The following PCDHGB4 variants were observed in gnomAD, a reference collection of about 807,000 sequenced individuals.
The protein encoded by PCDHGB4 is protocadherin gamma subfamily B, 4.
A neutral mutation model predicts 60.5 loss-of-function variants in PCDHGB4; 38 were observed. The ratio of observed to expected loss-of-function variants is 0.63; its 90% CI spans 0.48 to 0.82. The LOEUF is 0.82. PCDHGB4 is among the 40% of genes least tolerant of loss of function. The pLI is 0.00. For missense variants in PCDHGB4, 1,109 were observed against 1,209.6 expected, an observed-to-expected ratio of 0.92 and a Z score of 1.23; for synonymous variants, 456 against 509.7, an observed-to-expected ratio of 0.89 and a Z score of 1.42.
chr5:141,489,151 A>G lies in PCDHGB4; in HGVS notation c.2398-5656A>G. On this transcript the variant is annotated intron_variant, in intron 1 of 3. Transcript: ENST00000519479. This position sits in a 1 kb window ranked among gnomAD's most constrained non-coding sequence, Gnocchi z 4.5. ...TTTTTAAGAGGCTGGAAGGAGACAT[A>G]AGAGACTTCAGCTGCTGCATTCCAA... is the stretch of plus-strand genomic sequence containing the variant. The G allele has an allele frequency of 4.3e-6, 4 of 932,968 alleles. No individual in the cohort carries two copies. Among genetic ancestry groups the G allele is most frequent in the Non-Finnish European group, 6.4e-6 (4 of 622,052 alleles). 57.8% of individuals were successfully genotyped at this position (932,968 alleles called of 1,614,324 possible).
intron 1 of PCDHGB4, among the ~76,000 whole-genome samples, chr5:141,435,478 C>A (rs1279447863): frequency 6.6e-6 from 1 of 152,146 alleles, no homozygotes; most frequent in Non-Finnish European, 1.5e-5. Flanking sequence ...TTAGACATTT[C>A]TTTTGCCCAT....
chr5:141,402,845 C>T (rs1273253699), intron 1 of PCDHGB4: 3 of 1,405,122 alleles, frequency 2.1e-6, no homozygotes, highest in Non-Finnish European at 2.8e-6. Flanking sequence ...AAAACTCAGC[C>T]TCTTTCTTCT....
chr5:141,482,752 T>C (rs1361016909), intron 1 of PCDHGB4, among the ~76,000 whole-genome samples: 1 of 127,096 alleles, frequency 7.9e-6, no homozygotes, highest in Non-Finnish European at 1.6e-5. Context: ...AGAGGGATTA[T>C]GGTATTTCAT....
Position 141,441,858 on chromosome 5 carries a change from C to T in PCDHGB4, c.2397+51577C>T, listed in dbSNP as rs535716058. The T allele has an allele frequency of 6.0e-5, 21 of 349,416 alleles. No homozygotes were observed. The East Asian group carries it at 7.4e-4, about 12-fold the overall frequency. The allele number at this position is 349,416 out of a possible 1,614,324, so 21.6% of individuals were successfully genotyped here. On this transcript the variant is annotated intron_variant, in intron 1 of 3. Coordinates refer to ENST00000519479, the MANE Select transcript of PCDHGB4 (RefSeq NM_003736.4). ...TCGCGCTCTTGGATATGGTGCTGCA[C>T]GCCGCGGAGCCTGGCTACCTGGTCA...
chr5:141,478,560 A>G, intron 1 of PCDHGB4: 1 of 1,598,736 alleles, frequency 6.3e-7, no homozygotes, highest in Non-Finnish European at 8.5e-7. Flanking sequence ...AGGTTTAGCA[A>G]GTCATGCTTG....
intron 1 of PCDHGB4, chr5:141,402,972 G>A (rs758148844): frequency 6.2e-7 from 1 of 1,608,316 alleles, no homozygotes; most frequent in Non-Finnish European, 8.5e-7. Context: ...CCAACCAAAT[G>A]CCAGCTCCGC....
At position 141,493,202 on chromosome 5, in the gene PCDHGB4, A is replaced by G. The variant is rs1246390819; in HGVS notation, c.2398-1605A>G. Among the ~76,000 whole-genome samples, 1 of 152,196 alleles carries G rather than the reference A, an allele frequency of 6.6e-6. No individual in the cohort carries two copies. ...ACTATATAACTCCTTTGAGAACCTC[A>G]TCTCATTTGCTCTTCCCACCATTGC... On this transcript the variant is annotated intron_variant, in intron 1 of 3. Transcript: ENST00000519479. The surrounding 1 kb of genome is among the most constrained non-coding windows in gnomAD (Gnocchi z 4.3).
chr5:141,395,813 A>G (rs1201631661), intron 1 of PCDHGB4: 2 of 152,062 alleles, frequency 1.3e-5, no homozygotes, highest in East Asian at 3.9e-4. Context: ...CAAAACATGA[A>G]CAAACTTTAA....
At chr5:141,400,261 C>G in intron 1 of PCDHGB4, 1 of 1,614,058 alleles carries the variant, frequency 6.2e-7, no homozygotes. Context: ...CTTGCGCCTG[C>G]GACGCTCCTC....
chr5:141,427,829 G>C, intron 1 of PCDHGB4: 1 of 1,538,520 alleles, frequency 6.5e-7, no homozygotes. Flanking sequence ...TGGTCGCGCA[G>C]CGTGCCTTCG....
chr5:141,477,169 G>A lies in PCDHGB4; in HGVS notation c.2398-17638G>A. 6.2e-7 allele frequency: 1 copy of A among 1,614,198 alleles called. No individual in the cohort carries two copies. The highest frequency in any genetic ancestry group is 8.5e-7 in the Non-Finnish European group (1 of 1,180,042). The stretch of plus-strand genomic sequence containing the variant: ...TGGATGTGAATGACAACGCCCCGGA[G>A]ATCACAGTCACCTCCGTGTACAGCC... On this transcript the variant is annotated intron_variant, in intron 1 of 3. Transcript: ENST00000519479. The surrounding 1 kb of genome is among the most constrained non-coding windows in gnomAD (Gnocchi z 4.9).
chr5:141,414,568 A>G (rs1349020199), intron 1 of PCDHGB4: 2 of 1,613,914 alleles, frequency 1.2e-6, no homozygotes, highest in South Asian at 1.1e-5. Context: ...CTTTACCTAT[A>G]TCCCAGAGAA....
At chr5:141,470,736 C>A (rs541510544) in intron 1 of PCDHGB4, among the ~76,000 whole-genome samples, 1 of 152,092 alleles carries the variant, frequency 6.6e-6, no homozygotes, top group Non-Finnish European at 1.5e-5. Context: ...CTTGCTCTGT[C>A]GCCCTGGCTG....
At chr5:141,409,133 G>A in intron 1 of PCDHGB4, 1 of 1,614,002 alleles carries the variant, frequency 6.2e-7, no homozygotes, top group Non-Finnish European at 8.5e-7. Flanking sequence ...TGATTTTGAA[G>A]ATGTAGAAAG....
At chr5:141,403,196 G>A (rs762413220) in intron 1 of PCDHGB4, 6 of 1,613,986 alleles carry the variant, frequency 3.7e-6, no homozygotes, top group East Asian at 4.5e-5. Flanking sequence ...CCCGCGCAGC[G>A]GCACCTTGGT....
At chr5:141,430,713 T>G in intron 1 of PCDHGB4, 1 of 1,481,944 alleles carries the variant, frequency 6.7e-7, no homozygotes, top group Non-Finnish European at 9.0e-7. Context: ...GCTCCTGACT[T>G]CAGTGGTTAA....
chr5:141,491,227 C>T lies in PCDHGB4; in HGVS notation c.2398-3580C>T. 6.2e-7 allele frequency: 1 copy of T among 1,614,216 alleles called. No homozygotes were observed. The highest frequency in any genetic ancestry group is 8.5e-7 in the Non-Finnish European group (1 of 1,180,018). On this transcript the variant is annotated intron_variant, in intron 1 of 3. Coordinates refer to ENST00000519479, the MANE Select transcript of PCDHGB4 (RefSeq NM_003736.4). The surrounding 1 kb of genome is among the most constrained non-coding windows in gnomAD (Gnocchi z 6.9). Reference sequence around the variant, plus strand: ...TTCACTCTCCTCCACAGCCACAGTGCTGCTGGTTCTGGAGGATGAGGACCC... The same window carrying T: ...TTCACTCTCCTCCACAGCCACAGTGTTGCTGGTTCTGGAGGATGAGGACCC...
chr5:141,393,453 G>T lies in PCDHGB4; in HGVS notation c.2397+3172G>T, dbSNP rs373805221. On this transcript the variant is annotated intron_variant, in intron 1 of 3. Transcript: ENST00000519479. ...GGCTGCTCACCACCTGGTCCTCACG[G>T]CCTCGGATGGCGGCAAGCCGCCTCG... 6.6e-5 allele frequency: 107 copies of T among 1,614,038 alleles called. 2 individuals carry two copies. In the South Asian group the frequency reaches 1.0e-3, roughly 15 times the overall value.
intron 1 of PCDHGB4, among the ~76,000 whole-genome samples, chr5:141,488,839 G>A (rs954244872): frequency 2.6e-5 from 4 of 152,206 alleles, no homozygotes; most frequent in African/African-American, 9.6e-5. Flanking sequence ...CAAGGGGGCT[G>A]AATCAACCTG....
Sources: allele counts gnomAD v4.1 joint callset (sites outside exome capture counted in the v4.1 genomes callset), GRCh38; gene constraint gnomAD v4.1.1; non-coding constraint Gnocchi (gnomAD v3.1); transcripts MANE v1.5; gene names NCBI Gene and HGNC (gene_info 2026-07-23, HGNC 2026-07-21).